The following AGAP1 variants were observed in gnomAD, a reference collection of about 807,000 sequenced individuals.
AGAP1 encodes the protein arf-GAP with GTPase, ANK repeat and PH domain-containing protein 1.
AGAP1 carries 29 observed loss-of-function variants against 105.3 expected under a neutral mutation model. The observed-to-expected ratio is 0.28, with a 90% confidence interval of 0.21 to 0.38. The LOEUF (loss-of-function observed/expected upper bound fraction) is 0.38, where lower values mean the gene tolerates loss of function less well. Among genes scored for constraint, AGAP1 ranks in the 10% least tolerant of loss-of-function variants. The pLI is 1.00. For missense variants in AGAP1, 998 were observed against 1,165.1 expected (o/e 0.86, Z 2.09); for synonymous variants, 509 against 485.9 (o/e 1.05, Z -0.63).
At chr2:235,822,288 A>G (rs1205897520) in intron 9 of AGAP1, among the ~76,000 whole-genome samples, 1 of 152,218 alleles carries the variant, frequency 6.6e-6, no homozygotes, top group Non-Finnish European at 1.5e-5. Flanking sequence ...CTCTTCCTGT[A>G]TTGGAGGGAA....
chr2:235,776,139 G>T (rs1334225459), intron 6 of AGAP1, among the ~76,000 whole-genome samples: 1 of 152,142 alleles, frequency 6.6e-6, no homozygotes, highest in African/African-American at 2.4e-5. Flanking sequence ...ATCTACAAGG[G>T]CCAAAAGTGG....
chr2:235,697,218 A>G (rs1250471409), intron 1 of AGAP1, among the ~76,000 whole-genome samples: 1 of 152,170 alleles, frequency 6.6e-6, no homozygotes, highest in Non-Finnish European at 1.5e-5. Context: ...CATTTCACAG[A>G]TGAAGAGATT....
At chr2:236,097,360 A>G (rs1010052402) in intron 16 of AGAP1, among the ~76,000 whole-genome samples, 3 of 146,532 alleles carry the variant, frequency 2.0e-5, no homozygotes, top group Admixed American at 1.4e-4. Flanking sequence ...TATACATAAT[A>G]TAAAATTTGT....
Position 235,883,244 on chromosome 2 carries a change from C to A in AGAP1, c.1051-101C>A. On this transcript the variant is annotated intron_variant, in intron 9 of 17. Coordinates refer to ENST00000304032, the MANE Select transcript of AGAP1 (RefSeq NM_001037131.3). The surrounding 1 kb of genome is among the most constrained non-coding windows in gnomAD (Gnocchi z 4.5). ...TTCGCCAGTATCACAGAGTGAAGTTCTGCACACACACAGAACTTGAATGTA... is the reference window on the plus strand; with the variant it reads ...TTCGCCAGTATCACAGAGTGAAGTTATGCACACACACAGAACTTGAATGTA... The A allele has an allele frequency of 1.1e-6, 1 of 936,300 alleles. No individual in the cohort carries two copies. The highest frequency in any genetic ancestry group is 1.7e-6 in the Non-Finnish European group (1 of 594,132). The allele number at this position is 936,300 out of a possible 1,614,324, so 58.0% of individuals were successfully genotyped here. A position where few individuals can be genotyped will look rare whatever the true frequency, so the allele number is the denominator to read the frequency against.
At position 235,577,513 on chromosome 2, in the gene AGAP1, A is replaced by G. The variant is rs918864785; in HGVS notation, c.163+82664A>G. Among the ~76,000 whole-genome samples the G allele has an allele frequency of 9.2e-5, 14 of 151,946 alleles. No individual in the cohort carries two copies. The highest frequency in any genetic ancestry group is 1.8e-4 in the Non-Finnish European group (12 of 67,980). ...GGAGCAGAGTCCTGTGTTTGTTTGG[A>G]AATGATCGGAAGCTCCTGTGTCCCT... On this transcript the variant is annotated intron_variant, in intron 1 of 17. Transcript: ENST00000304032. This position sits in a 1 kb window ranked among gnomAD's most constrained non-coding sequence, Gnocchi z 4.5.
At chr2:236,065,068 T>TA (rs1467746560) in intron 16 of AGAP1, among the ~76,000 whole-genome samples, 1 of 152,224 alleles carries the variant, frequency 6.6e-6, no homozygotes, top group Admixed American at 6.5e-5. Flanking sequence ...GCCTGACTGA[T>TA]ACTGCTGGAG....
At chr2:235,624,671 T>C (rs1348482552) in intron 1 of AGAP1, among the ~76,000 whole-genome samples, 1 of 152,168 alleles carries the variant, frequency 6.6e-6, no homozygotes, top group African/African-American at 2.4e-5. Flanking sequence ...GGGTCTCAGC[T>C]ACAGCCCCTC....
chr2:236,110,166 A>G (rs572488142), intron 16 of AGAP1, among the ~76,000 whole-genome samples: 1 of 152,260 alleles, frequency 6.6e-6, no homozygotes, highest in South Asian at 2.1e-4. Context: ...CTTCCTCACT[A>G]GGTGTTGTTA....
chr2:235,503,677 C>T lies in AGAP1; in HGVS notation c.163+8828C>T, dbSNP rs150970375. Among the ~76,000 whole-genome samples, 10 of 152,266 alleles carry T rather than the reference C, an allele frequency of 6.6e-5. No homozygotes were observed. The East Asian group carries it at 1.5e-3, about 24-fold the overall frequency. ...TGGCACTATTGGGGCTCATTTGTAGCCTCAACCTCCCAGACTCAAGTAATC... is the reference window on the plus strand; with the variant it reads ...TGGCACTATTGGGGCTCATTTGTAGTCTCAACCTCCCAGACTCAAGTAATC... On this transcript the variant is annotated intron_variant, in intron 1 of 17. Coordinates refer to ENST00000304032, the MANE Select transcript of AGAP1 (RefSeq NM_001037131.3).
Position 236,082,464 on chromosome 2 carries a change from A to T in AGAP1, c.2114+33183A>T, listed in dbSNP as rs973722625. Among the ~76,000 whole-genome samples the T allele has an allele frequency of 1.3e-5, 2 of 152,106 alleles. No homozygotes were observed. The highest frequency in any genetic ancestry group is 4.8e-5 in the African/African-American group (2 of 41,414). Reference sequence around the variant, plus strand: ...CCGCTGCCCATTTGATCTCTCAGGGAGGGAGAGCTTTTCCTAAGCATCGAT... The same window carrying T: ...CCGCTGCCCATTTGATCTCTCAGGGTGGGAGAGCTTTTCCTAAGCATCGAT... On this transcript the variant is annotated intron_variant, in intron 16 of 17. Transcript: ENST00000304032. This position sits in a 1 kb window ranked among gnomAD's most constrained non-coding sequence, Gnocchi z 4.2.
intron 13 of AGAP1, among the ~76,000 whole-genome samples, chr2:236,031,107 A>G (rs1339472811): frequency 6.6e-6 from 1 of 152,234 alleles, no homozygotes; most frequent in Non-Finnish European, 1.5e-5. Context: ...ATCCACAGGC[A>G]TTTTAAAATC....
chr2:236,018,162 G>A (rs2056768656), intron 13 of AGAP1, among the ~76,000 whole-genome samples: 1 of 152,166 alleles, frequency 6.6e-6, no homozygotes, highest in African/African-American at 2.4e-5. Flanking sequence ...TTCTCAAGAT[G>A]GGTGAAATTG....
intron 9 of AGAP1, among the ~76,000 whole-genome samples, chr2:235,826,041 TGTTG>T (rs1395922439): frequency 1.3e-5 from 2 of 152,130 alleles, no homozygotes; most frequent in African/African-American, 4.8e-5. Context: ...CCCTCTCAAT[TGTTG>T]CTGCACCCAG....
At chr2:235,670,994 C>A in intron 1 of AGAP1, 2 of 1,321,594 alleles carry the variant, frequency 1.5e-6, no homozygotes, top group Non-Finnish European at 1.9e-6. Flanking sequence ...CTTCAGCCTG[C>A]GGCGGGCCCC....
chr2:235,994,585 G>C lies in AGAP1; in HGVS notation c.1645+25962G>C, dbSNP rs935134141. On this transcript the variant is annotated intron_variant, in intron 13 of 17. Transcript: ENST00000304032. The surrounding 1 kb of genome is among the most constrained non-coding windows in gnomAD (Gnocchi z 4.4). ...CTTTCTACCAAACTGTTTCCTAATTGCACTCCCTGCATTGTCTTATTCAGT... is the reference window on the plus strand; with the variant it reads ...CTTTCTACCAAACTGTTTCCTAATTCCACTCCCTGCATTGTCTTATTCAGT... Among the ~76,000 whole-genome samples, 2 of 151,316 alleles carry C rather than the reference G, an allele frequency of 1.3e-5. No homozygotes were observed. The highest frequency in any genetic ancestry group is 4.8e-5 in the African/African-American group (2 of 41,246).
intron 2 of AGAP1, among the ~76,000 whole-genome samples, chr2:235,711,357 C>T (rs572286790): frequency 6.6e-6 from 1 of 152,300 alleles, no homozygotes; most frequent in East Asian, 1.9e-4. Flanking sequence ...CAGAGAGGGC[C>T]CACATGATCA....
At chr2:235,523,739 G>A (rs1462693653) in intron 1 of AGAP1, among the ~76,000 whole-genome samples, 1 of 152,112 alleles carries the variant, frequency 6.6e-6, no homozygotes, top group Non-Finnish European at 1.5e-5. Context: ...GTGGCCTTGG[G>A]TCGAAAGGCC....
chr2:235,933,268 G>A (rs937870809), intron 12 of AGAP1, among the ~76,000 whole-genome samples: 3 of 152,138 alleles, frequency 2.0e-5, no homozygotes, highest in Non-Finnish European at 4.4e-5. Context: ...GGGCACTTCG[G>A]ACAAAGACCC....
chr2:235,726,999 A>C (rs1031899550), intron 3 of AGAP1, among the ~76,000 whole-genome samples: 1 of 152,106 alleles, frequency 6.6e-6, no homozygotes, highest in Non-Finnish European at 1.5e-5. Flanking sequence ...CAAGCCCTTC[A>C]TGGTGGTTTC....
Sources: gnomAD v4.1 joint callset for allele counts (sites outside exome capture counted in the v4.1 genomes callset) on GRCh38, gnomAD v4.1.1 for gene constraint, Gnocchi (gnomAD v3.1) non-coding constraint, MANE v1.5 for transcripts, NCBI Gene and HGNC (gene_info 2026-07-23, HGNC 2026-07-21) for gene names.